CNBD1: variants seen among roughly 807,000 people sequenced by gnomAD.
CNBD1 encodes cyclic nucleotide binding domain containing 1, also known as cyclic nucleotide-binding domain-containing protein 1.
CNBD1 carries 71 observed loss-of-function variants against 54.4 expected under a neutral mutation model. The observed-to-expected ratio is 1.30, with a 90% CI of 1.08 to 1.59. The LOEUF (loss-of-function observed/expected upper bound fraction) is 1.59. CNBD1 is among the 40% of genes most tolerant of loss of function. The pLI is 0.00. For missense variants in CNBD1, 659 were observed against 518.0 expected (o/e 1.27, Z -2.64); for synonymous variants, 182 against 170.7 (o/e 1.07, Z -0.51).
chr8:86,916,821 A>C (rs1030774530), intron 3 of CNBD1, among the ~76,000 whole-genome samples: 3 of 149,492 alleles, frequency 2.0e-5, no homozygotes, highest in African/African-American at 7.4e-5. Context: ...CTCCTGCCTC[A>C]TCCTCCTGAG....
chr8:87,192,683 A>C (rs1429985894), intron 4 of CNBD1, among the ~76,000 whole-genome samples: 1 of 152,204 alleles, frequency 6.6e-6, no homozygotes, highest in Non-Finnish European at 1.5e-5. Flanking sequence ...TGCATGTTGA[A>C]AACCTTGGAT....
At chr8:86,872,641 A>G (rs530467854) in intron 1 of CNBD1, among the ~76,000 whole-genome samples, 4 of 152,240 alleles carry the variant, frequency 2.6e-5, no homozygotes, top group African/African-American at 7.2e-5. Flanking sequence ...ACGGAGTGGT[A>G]TCTCGCTGTG....
At chr8:87,104,199 T>C (rs1330277437) in intron 4 of CNBD1, among the ~76,000 whole-genome samples, 2 of 152,240 alleles carry the variant, frequency 1.3e-5, no homozygotes, top group South Asian at 2.1e-4. Flanking sequence ...AATGTTGTCA[T>C]GGACTGGAGG....
At position 86,874,378 on chromosome 8, in the gene CNBD1, C is replaced by T. The variant is rs143969425; in HGVS notation, c.88+7795C>T. Among the ~76,000 whole-genome samples the T allele has an allele frequency of 1.3e-3, 191 of 152,278 alleles. 1 individual carries two copies. Among genetic ancestry groups the T allele is most frequent in the African/African-American group, 4.4e-3 (184 of 41,542 alleles). On this transcript the variant is annotated intron_variant, in intron 1 of 10. Coordinates refer to ENST00000518476, the MANE Select transcript of CNBD1 (RefSeq NM_173538.3). ...AGGTAGACATCTTTGTCAGCAATAT[C>T]ACAGGAGTTATTTCATGTTCTCCTT...
intron 3 of CNBD1, among the ~76,000 whole-genome samples, chr8:86,935,120 C>T (rs1653340279): frequency 6.6e-6 from 1 of 152,110 alleles, no homozygotes; most frequent in African/African-American, 2.4e-5. Flanking sequence ...ACTGCAAGCT[C>T]CACCTCCTGG....
At chr8:87,316,623 T>A (rs1353806584) in intron 8 of CNBD1, among the ~76,000 whole-genome samples, 2 of 151,396 alleles carry the variant, frequency 1.3e-5, no homozygotes, top group Non-Finnish European at 3.0e-5. Flanking sequence ...CTATTACACT[T>A]TTTTTTTGCA....
At chr8:87,239,672 A>C (rs919508794) in intron 6 of CNBD1, among the ~76,000 whole-genome samples, 2 of 152,156 alleles carry the variant, frequency 1.3e-5, no homozygotes, top group Non-Finnish European at 2.9e-5. Context: ...AAAACATCTA[A>C]TCCAAGGATC....
At chr8:87,127,040 A>G (rs1000876250) in intron 4 of CNBD1, among the ~76,000 whole-genome samples, 16 of 151,558 alleles carry the variant, frequency 1.1e-4, no homozygotes, top group African/African-American at 3.6e-4. Flanking sequence ...CCCTGTCTTT[A>G]CAACAAGACT....
intron 2 of CNBD1, among the ~76,000 whole-genome samples, chr8:87,390,979 A>T (rs1191271124): frequency 6.6e-6 from 1 of 152,082 alleles, no homozygotes; most frequent in East Asian, 1.9e-4. Flanking sequence ...TTCTCAGCAA[A>T]CTATCACAAG....
chr8:86,964,678 C>G (rs927409814), intron 4 of CNBD1, among the ~76,000 whole-genome samples: 9 of 152,110 alleles, frequency 5.9e-5, no homozygotes, highest in Admixed American at 6.5e-5. Flanking sequence ...AGACTGGGAC[C>G]TGCCTAAAAT....
At chr8:87,123,377 A>C (rs903558887) in intron 4 of CNBD1, among the ~76,000 whole-genome samples, 3 of 151,760 alleles carry the variant, frequency 2.0e-5, no homozygotes, top group African/African-American at 7.2e-5. Context: ...GGAAAAATAC[A>C]CAAATATGTG....
intron 10 of CNBD1, among the ~76,000 whole-genome samples, chr8:87,365,144 T>C (rs113330594): frequency 0.019 from 2,849 of 152,152 alleles, 90 homozygotes; most frequent in African/African-American, 0.062. Context: ...TCCACAACCT[T>C]GCCAGCATCT....
chr8:86,969,240 T>TA (rs1437111655), intron 4 of CNBD1, among the ~76,000 whole-genome samples: 2 of 152,280 alleles, frequency 1.3e-5, no homozygotes, highest in African/African-American at 4.8e-5. Flanking sequence ...TTGTGTTTTT[T>TA]AAAATCTAAC....
chr8:87,078,592 T>A (rs898532371), intron 4 of CNBD1, among the ~76,000 whole-genome samples: 4 of 152,186 alleles, frequency 2.6e-5, no homozygotes, highest in Non-Finnish European at 5.9e-5. Context: ...CTCATATGCT[T>A]GATTTTCTCC....
At chr8:87,350,812 A>G (rs942895199) in intron 8 of CNBD1, among the ~76,000 whole-genome samples, 3 of 151,356 alleles carry the variant, frequency 2.0e-5, no homozygotes, top group African/African-American at 7.3e-5. Context: ...ACTAATTTTA[A>G]TTTATATATT....
chr8:86,974,955 C>G (rs1203317631), intron 4 of CNBD1, among the ~76,000 whole-genome samples: 1 of 151,726 alleles, frequency 6.6e-6, no homozygotes, highest in East Asian at 1.9e-4. Flanking sequence ...AATGCAAACA[C>G]TAAAAATCCA....
intron 5 of CNBD1, among the ~76,000 whole-genome samples, chr8:87,229,095 G>C (rs1014540311): frequency 6.6e-6 from 1 of 152,126 alleles, no homozygotes; most frequent in Admixed American, 6.5e-5. Context: ...GCAATGCCTC[G>C]CCCTGCTTTG....
chr8:87,306,171 A>T (rs1051350905), intron 8 of CNBD1, among the ~76,000 whole-genome samples: 12 of 152,196 alleles, frequency 7.9e-5, no homozygotes, highest in Non-Finnish European at 1.6e-4. Context: ...ATCACTAATG[A>T]TAAAGGAAAT....
intron 1 of CNBD1, among the ~76,000 whole-genome samples, chr8:86,874,429 TCA>T (rs1351543104): frequency 1.3e-5 from 2 of 152,192 alleles, no homozygotes; most frequent in Non-Finnish European, 2.9e-5. Context: ...CCATATGATC[TCA>T]GTTTGCCCCA....
Sources: allele counts gnomAD v4.1 joint callset (sites outside exome capture counted in the v4.1 genomes callset), GRCh38; gene constraint gnomAD v4.1.1; transcripts MANE v1.5; gene names NCBI Gene and HGNC (gene_info 2026-07-23, HGNC 2026-07-21).